P3H2: variants seen among roughly 807,000 people sequenced by gnomAD.
P3H2 encodes prolyl 3-hydroxylase 2, also known as leprecan-like 1.
A neutral mutation model predicts 87.0 loss-of-function variants in P3H2; 80 were observed. The observed-to-expected ratio is 0.92, with a 90% CI of 0.77 to 1.11. The LOEUF (loss-of-function observed/expected upper bound fraction) is 1.11, where lower values mean the gene tolerates loss of function less well. P3H2 is among the 50% of genes least tolerant of loss of function. P3H2 has a pLI of 0.00. For synonymous variants in P3H2, 367 were observed against 359.3 expected (o/e 1.02, Z -0.24); for missense variants, 1,001 against 923.9 (o/e 1.08, Z -1.08).
chr3:190,027,740 T>G (rs1375572303), intron 1 of P3H2, among the ~76,000 whole-genome samples: 6 of 151,990 alleles, frequency 3.9e-5, no homozygotes, highest in Non-Finnish European at 5.9e-5. Flanking sequence ...TCATAAAATA[T>G]TATTTTCTAT....
rs893378602 is a variant in P3H2 at position 190,074,962 on chromosome 3, C to G, written c.480+45290G>C. On this transcript the variant is annotated intron_variant, in intron 1 of 14. Coordinates refer to ENST00000319332, the MANE Select transcript of P3H2 (RefSeq NM_018192.4). ...CTCTTAGTCAGAGGGGATTTGCTCTCTAACTTTGCACTGTGCTACTCTCAA... is the reference window on the plus strand; with the variant it reads ...CTCTTAGTCAGAGGGGATTTGCTCTGTAACTTTGCACTGTGCTACTCTCAA... Among the ~76,000 whole-genome samples the G allele has an allele frequency of 3.9e-5, 6 of 152,318 alleles. No individual in the cohort carries two copies. In the East Asian group the frequency reaches 1.2e-3, roughly 29 times the overall value.
At chr3:190,026,112 C>T (rs1725078416) in intron 1 of P3H2, among the ~76,000 whole-genome samples, 1 of 151,936 alleles carries the variant, frequency 6.6e-6, no homozygotes, top group Non-Finnish European at 1.5e-5. Flanking sequence ...TTCATTTTTT[C>T]AATGAAATTT....
In P3H2 at chr3:190,114,176, AATT is replaced by A. The variant is rs200057448; in HGVS notation, c.480+6073_480+6075del. Among the ~76,000 whole-genome samples, 1,242 of 140,770 alleles carry A rather than the reference AATT, an allele frequency of 8.8e-3. 6 individuals carry two copies. Among genetic ancestry groups the A allele is most frequent in the South Asian group, 0.024 (111 of 4,572 alleles). 92.4% of individuals were successfully genotyped at this position (140,770 alleles called of 152,430 possible). ...TTGCAAGCAATTGCTGCCCTCATCT[AATT>A]ATTATTATTATTTTTTTTTTTTGAG... On this transcript the variant is annotated intron_variant, in intron 1 of 14. Transcript: ENST00000319332.
chr3:190,053,606 C>T (rs1305451761), intron 1 of P3H2, among the ~76,000 whole-genome samples: 3 of 151,712 alleles, frequency 2.0e-5, no homozygotes, highest in East Asian at 1.9e-4. Flanking sequence ...TACAGGTACC[C>T]GCCACCATGC....
rs949260742 is a variant in P3H2, at chr3:189,957,546, T to C, written c.*366A>G. 1 of 391,844 alleles carries C rather than the reference T, an allele frequency of 2.6e-6. No individual in the cohort carries two copies. The highest frequency in any genetic ancestry group is 4.3e-5 in the Admixed American group (1 of 23,336). The allele number at this position is 391,844 out of a possible 1,614,324, so 24.3% of individuals were successfully genotyped here. A position where few individuals can be genotyped will look rare whatever the true frequency, so the allele number is the denominator to read the frequency against. On this transcript the variant is annotated 3_prime_UTR_variant, in exon 15 of 15. Coordinates refer to ENST00000319332, the MANE Select transcript of P3H2 (RefSeq NM_018192.4). The stretch of plus-strand genomic sequence containing the variant: ...ATGATGAAAAACCAAGAAAGAGAGC[T>C]GGGTGTGGTGGCACGTGCCTGTGGT...
chr3:190,075,586 C>T (rs184089168), intron 1 of P3H2, among the ~76,000 whole-genome samples: 1 of 152,092 alleles, frequency 6.6e-6, no homozygotes, highest in Non-Finnish European at 1.5e-5. Flanking sequence ...GAAGGGAAAT[C>T]TTCCTGGTAA....
At chr3:190,006,766 G>T (rs1424690067) in intron 1 of P3H2, among the ~76,000 whole-genome samples, 1 of 152,154 alleles carries the variant, frequency 6.6e-6, no homozygotes, top group Non-Finnish European at 1.5e-5. Flanking sequence ...TGTCCCAGCT[G>T]CAGAATAGTA....
intron 13 of P3H2, among the ~76,000 whole-genome samples, chr3:189,966,136 A>G (rs868071834): frequency 1.4e-5 from 1 of 69,150 alleles, no homozygotes; most frequent in African/African-American, 4.2e-5. Context: ...AGAAAGAAAG[A>G]AAGAAAGAAA....
chr3:190,073,421 C>G (rs954470003), intron 1 of P3H2, among the ~76,000 whole-genome samples: 1 of 152,166 alleles, frequency 6.6e-6, no homozygotes, highest in Non-Finnish European at 1.5e-5. Context: ...TCAAAATGAG[C>G]CATAAACAAT....
In P3H2 at chr3:189,973,507, C is replaced by CTTTTTTT. The variant is rs879286759; in HGVS notation, c.1548+401_1548+402insAAAAAAA. On this transcript the variant is annotated intron_variant, in intron 10 of 14. Coordinates refer to ENST00000319332, the MANE Select transcript of P3H2 (RefSeq NM_018192.4). ...TCAAAACTTTTTTCTTTCTTTCTTT[C>CTTTTTTT]TTTCTTTTTTTTTTTTTTTTTTTTT... 8.8e-3 allele frequency among the ~76,000 whole-genome samples: 695 copies of CTTTTTTT among 78,844 alleles called. 36 individuals are homozygous for CTTTTTTT. Among genetic ancestry groups the CTTTTTTT allele is most frequent in the Non-Finnish European group, 0.013 (538 of 41,412 alleles). The allele number at this position is 78,844 out of a possible 152,430, so 51.7% of individuals were successfully genotyped here.
At chr3:190,107,352 T>C (rs1285097201) in intron 1 of P3H2, among the ~76,000 whole-genome samples, 2 of 152,232 alleles carry the variant, frequency 1.3e-5, no homozygotes, top group Non-Finnish European at 2.9e-5. Flanking sequence ...GCTGTGTGAA[T>C]AGAAGATTTT....
At chr3:190,119,871 A>G (rs1712465672) in intron 1 of P3H2, among the ~76,000 whole-genome samples, 1 of 151,424 alleles carries the variant, frequency 6.6e-6, no homozygotes, top group Non-Finnish European at 1.5e-5. Context: ...GGGAAGTGAG[A>G]AGGGAGAAGA....
intron 1 of P3H2, among the ~76,000 whole-genome samples, chr3:190,062,901 A>G (rs1029126332): frequency 1.3e-5 from 2 of 152,170 alleles, no homozygotes; most frequent in Admixed American, 6.6e-5. Context: ...CCAGAATGGG[A>G]TAACATCAGA....
At chr3:189,966,124 AAAGAAAGAAAG>A (rs1722986748) in intron 13 of P3H2, among the ~76,000 whole-genome samples, 2 of 22,030 alleles carry the variant, frequency 9.1e-5, no homozygotes, top group South Asian at 3.0e-3. Flanking sequence ...AAAGAAAGAA[AAAGAAAGAAAG>A]AAAGAAAGAA....
intron 1 of P3H2, among the ~76,000 whole-genome samples, chr3:190,067,216 G>C (rs1188021093): frequency 6.6e-6 from 1 of 151,782 alleles, no homozygotes. Context: ...ACCTTTTGCA[G>C]ACATGATTTG....
intron 1 of P3H2, among the ~76,000 whole-genome samples, chr3:190,000,903 C>T (rs934852712): frequency 1.3e-5 from 2 of 152,298 alleles, no homozygotes; most frequent in African/African-American, 4.8e-5. Context: ...ATTCAAACTT[C>T]TTTGTGGAAA....
chr3:189,993,523 C>T (rs1377687874), intron 3 of P3H2, among the ~76,000 whole-genome samples: 1 of 152,064 alleles, frequency 6.6e-6, no homozygotes, highest in Non-Finnish European at 1.5e-5. Context: ...CTATAATGTG[C>T]ATTACCTAGT....
chr3:189,987,425 G>A (rs1723737616), intron 5 of P3H2, 102 bp downstream of exon 5: 2 of 1,381,838 alleles, frequency 1.4e-6, no homozygotes, highest in South Asian at 1.3e-5. Context: ...GTTGCGGTGA[G>A]CCAAGATTGT....
chr3:190,034,791 A>G (rs752744887), intron 1 of P3H2, among the ~76,000 whole-genome samples: 21 of 152,184 alleles, frequency 1.4e-4, no homozygotes, highest in South Asian at 8.3e-4. Flanking sequence ...TTTAAATTAC[A>G]TTAAATAATT....
Sources: allele counts gnomAD v4.1 joint callset (sites outside exome capture counted in the v4.1 genomes callset), GRCh38; gene constraint gnomAD v4.1.1; transcripts MANE v1.5; gene names NCBI Gene and HGNC (gene_info 2026-07-23, HGNC 2026-07-21).